The following SV2B variants were observed in gnomAD, a reference collection of about 807,000 sequenced individuals.
SV2B encodes synaptic vesicle glycoprotein 2B.
SV2B carries 41 observed loss-of-function variants against 73.9 expected under a neutral mutation model. That is an observed-to-expected ratio of 0.56 (90% CI 0.43 to 0.72). The LOEUF is 0.72. SV2B is among the 30% of genes least tolerant of loss of function. The pLI is 0.00. For synonymous variants in SV2B, 314 were observed against 314.2 expected, an observed-to-expected ratio of 1.00 and a Z score of 0.01; for missense variants, 764 against 857.8, an observed-to-expected ratio of 0.89 and a Z score of 1.37.
chr15:91,125,868 G>C (rs772345518), intron 1 of SV2B, among the ~76,000 whole-genome samples: 2 of 149,964 alleles, frequency 1.3e-5, no homozygotes, highest in Non-Finnish European at 3.0e-5. Context: ...AGAGAGAAAA[G>C]GGTCCCCAAC....
chr15:91,161,013 C>T (rs1031422288), intron 1 of SV2B, among the ~76,000 whole-genome samples: 7 of 137,398 alleles, frequency 5.1e-5, no homozygotes, highest in African/African-American at 8.1e-5. Context: ...TGCAGCCCCA[C>T]GGATTAACCT....
At chr15:91,171,850 C>T (rs923883998) in intron 1 of SV2B, among the ~76,000 whole-genome samples, 2 of 152,128 alleles carry the variant, frequency 1.3e-5, no homozygotes, top group African/African-American at 4.8e-5. Context: ...GTTGGTGGAT[C>T]TATCTCGCTC....
At chr15:91,181,892 A>G (rs1192512364) in intron 1 of SV2B, among the ~76,000 whole-genome samples, 1 of 152,028 alleles carries the variant, frequency 6.6e-6, no homozygotes, top group Admixed American at 6.6e-5. Context: ...TTGTATGTCT[A>G]TGTGCAGTAT....
At chr15:91,272,294 TAG>T (rs2048342080) in intron 9 of SV2B, among the ~76,000 whole-genome samples, 1 of 152,246 alleles carries the variant, frequency 6.6e-6, no homozygotes, top group Non-Finnish European at 1.5e-5. Flanking sequence ...AAAAACAGGA[TAG>T]AGTTTCTACC....
At chr15:91,219,491 C>A (rs1233620123) in intron 1 of SV2B, among the ~76,000 whole-genome samples, 3 of 152,056 alleles carry the variant, frequency 2.0e-5, no homozygotes, top group African/African-American at 7.2e-5. Flanking sequence ...GAAAAAAAAT[C>A]TTTATTTAGA....
intron 1 of SV2B, among the ~76,000 whole-genome samples, chr15:91,157,547 T>A (rs2043533053): frequency 6.6e-6 from 1 of 152,226 alleles, no homozygotes; most frequent in African/African-American, 2.4e-5. Context: ...CTTTTGCTGC[T>A]TACAATATGT....
chr15:91,288,553 C>T lies in SV2B; in HGVS notation c.1709-968C>T, dbSNP rs1286935440. 6.6e-6 allele frequency among the ~76,000 whole-genome samples: 1 copy of T among 152,068 alleles called. No individual in the cohort carries two copies. Among genetic ancestry groups the T allele is most frequent in the Non-Finnish European group, 1.5e-5 (1 of 68,006 alleles). On this transcript the variant is annotated intron_variant, in intron 11 of 12. Transcript: ENST00000394232. The surrounding 1 kb of genome is among the most constrained non-coding windows in gnomAD (Gnocchi z 5.8). ...TTACCCCATGGACTGTATCTAGCAT[C>T]CTGCCTTCCAGGTTCATCCATGTTG...
intron 1 of SV2B, among the ~76,000 whole-genome samples, chr15:91,180,447 C>G (rs1306448310): frequency 6.6e-6 from 1 of 151,956 alleles, no homozygotes; most frequent in Non-Finnish European, 1.5e-5. Flanking sequence ...GCCTGCCTTG[C>G]TAGATTGGAG....
intron 1 of SV2B, among the ~76,000 whole-genome samples, chr15:91,170,704 T>C (rs568659567): frequency 3.5e-4 from 54 of 152,348 alleles, no homozygotes; most frequent in Non-Finnish European, 5.9e-4. Flanking sequence ...AGATTCACCA[T>C]TGTAATTTCA....
At position 91,239,460 on chromosome 15, in the gene SV2B, G is replaced by A. The variant is rs981041302; in HGVS notation, c.452-12359G>A. 2.0e-5 allele frequency among the ~76,000 whole-genome samples: 3 copies of A among 151,720 alleles called. No homozygotes were observed. Among genetic ancestry groups the A allele is most frequent in the Non-Finnish European group, 2.9e-5 (2 of 67,944 alleles). Reference sequence around the variant, plus strand: ...CATCTAATATTAGAAATGAAAGAAAGGAAGGAGACCTCCTAGCATGCCCTT... The same window carrying A: ...CATCTAATATTAGAAATGAAAGAAAAGAAGGAGACCTCCTAGCATGCCCTT... On this transcript the variant is annotated intron_variant, in intron 2 of 12. Transcript: ENST00000394232. The surrounding 1 kb of genome is among the most constrained non-coding windows in gnomAD (Gnocchi z 5.1).
chr15:91,287,631 C>T (rs747953150), intron 11 of SV2B, among the ~76,000 whole-genome samples: 24 of 152,186 alleles, frequency 1.6e-4, no homozygotes, highest in Non-Finnish European at 3.5e-4. Context: ...CTCCCATCCC[C>T]ACCCCAGAGT....
intron 1 of SV2B, among the ~76,000 whole-genome samples, chr15:91,194,717 C>A (rs796567187): frequency 1.7e-4 from 26 of 152,316 alleles, no homozygotes; most frequent in African/African-American, 6.3e-4. Flanking sequence ...CTGACTTCAA[C>A]GGAGGTTGCA....
intron 6 of SV2B, among the ~76,000 whole-genome samples, chr15:91,264,515 A>G (rs201689072): frequency 6.6e-6 from 1 of 152,152 alleles, no homozygotes; most frequent in Non-Finnish European, 1.5e-5. Flanking sequence ...TCAAGATAAT[A>G]CAGCCAGTGT....
intron 9 of SV2B, among the ~76,000 whole-genome samples, chr15:91,274,804 A>C (rs2048431741): frequency 6.6e-6 from 1 of 152,056 alleles, no homozygotes; most frequent in Non-Finnish European, 1.5e-5. Flanking sequence ...ATGTGTTAGG[A>C]CTTTGTTTTT....
In SV2B at chr15:91,298,990, T is replaced by A. The variant is rs2049343382; in HGVS notation, c.*6438T>A. On this transcript the variant is annotated 3_prime_UTR_variant, in exon 13 of 13. Transcript: ENST00000394232. This position sits in a 1 kb window ranked among gnomAD's most constrained non-coding sequence, Gnocchi z 5.4. ...GGTATGAACAAAAGGCCTATAAAAA[T>A]AGCTTTCCAATTCGCCACCAAAAAT... The A allele has an allele frequency of 6.6e-6, 1 of 152,134 alleles. No homozygotes were observed. The highest frequency in any genetic ancestry group is 2.4e-5 in the African/African-American group (1 of 41,420). 9.4% of individuals were successfully genotyped at this position (152,134 alleles called of 1,614,324 possible).
chr15:91,133,211 A>G (rs1596457457), intron 1 of SV2B, among the ~76,000 whole-genome samples: 2 of 152,314 alleles, frequency 1.3e-5, no homozygotes, highest in East Asian at 3.9e-4. Flanking sequence ...TGCCCACAGC[A>G]CAGACTGGGT....
chr15:91,246,065 CAA>C (rs5814471), intron 2 of SV2B, among the ~76,000 whole-genome samples: 21,142 of 127,702 alleles, frequency 0.17, 1,691 homozygotes, highest in African/African-American at 0.27. Context: ...TATGAGTTAG[CAA>C]AAAAAAAAAA....
At chr15:91,172,345 C>G (rs1464185601) in intron 1 of SV2B, among the ~76,000 whole-genome samples, 2 of 152,246 alleles carry the variant, frequency 1.3e-5, no homozygotes, top group Non-Finnish European at 2.9e-5. Context: ...ACTTCCCTCT[C>G]TCTTCCCTTC....
chr15:91,190,718 A>C (rs1214652261), intron 1 of SV2B, among the ~76,000 whole-genome samples: 1 of 152,224 alleles, frequency 6.6e-6, no homozygotes, highest in East Asian at 1.9e-4. Flanking sequence ...GGATTTTGCA[A>C]ATGTTCCATA....
Sources: allele counts gnomAD v4.1 joint callset (sites outside exome capture counted in the v4.1 genomes callset), GRCh38; gene constraint gnomAD v4.1.1; non-coding constraint Gnocchi (gnomAD v3.1); transcripts MANE v1.5; gene names NCBI Gene and HGNC (gene_info 2026-07-23, HGNC 2026-07-21).